The following USP32 variants were observed in gnomAD, a reference collection of about 807,000 sequenced individuals.
USP32 encodes ubiquitin carboxyl-terminal hydrolase 32.
Under a neutral mutation model 204.8 loss-of-function variants are expected in USP32, and 59 were observed. That is an observed-to-expected ratio of 0.29 (90% CI 0.23 to 0.36). USP32 has a LOEUF of 0.36. Ranked by LOEUF, USP32 falls within the 10% of genes least tolerant of loss-of-function variation. The pLI, the probability that USP32 is intolerant of heterozygous loss-of-function variation, is 1.00. For synonymous variants in USP32, 517 were observed against 678.4 expected, an observed-to-expected ratio of 0.76 and a Z score of 3.70; for missense variants, 1,160 against 1,946.4, an observed-to-expected ratio of 0.60 and a Z score of 7.60.
At chr17:60,339,515 G>A (rs576274473) in intron 2 of USP32, among the ~76,000 whole-genome samples, 28 of 150,814 alleles carry the variant, frequency 1.9e-4, no homozygotes, top group African/African-American at 6.4e-4. Context: ...ACTGGGAGGC[G>A]GAGTTTGCAG....
rs1173082393 is a variant in USP32 at position 60,211,281 on chromosome 17, C to A, written c.2318+95G>T. 17 of 1,525,612 alleles carry A rather than the reference C, an allele frequency of 1.1e-5. No individual in the cohort carries two copies. In the Admixed American group the frequency reaches 1.8e-4, roughly 16 times the overall value. 94.5% of individuals were successfully genotyped at this position (1,525,612 alleles called of 1,614,324 possible). On this transcript the variant is annotated intron_variant, in intron 20 of 33. Transcript: ENST00000300896. ...TTAAATAGGGCAAATAAGATAAAAT[C>A]TTTCTCCCACAGGGTGAAAAAAGAG...
upstream of USP32, among the ~76,000 whole-genome samples, chr17:60,392,853 G>C (rs988397674): frequency 2.6e-5 from 4 of 152,102 alleles, no homozygotes; most frequent in African/African-American, 9.7e-5. Flanking sequence ...CATGCCTCTT[G>C]TACACATTCT....
intron 28 of USP32, among the ~76,000 whole-genome samples, chr17:60,192,593 C>A (rs113801615): frequency 6.6e-6 from 1 of 152,114 alleles, no homozygotes; most frequent in Admixed American, 6.5e-5. Context: ...CATCACCACG[C>A]CCCGCTAATT....
chr17:60,209,155 A>G (rs901624599), intron 22 of USP32, among the ~76,000 whole-genome samples: 1 of 152,210 alleles, frequency 6.6e-6, no homozygotes, highest in Non-Finnish European at 1.5e-5. Flanking sequence ...CATAAAGTTT[A>G]CAATATGAAA....
intron 12 of USP32, among the ~76,000 whole-genome samples, chr17:60,231,022 T>C (rs1424348235): frequency 6.6e-6 from 1 of 152,208 alleles, no homozygotes. Context: ...AGAAGATAGA[T>C]TTCTAAATAG....
At chr17:60,410,139 G>A (rs1244258474) in intron 1 of USP32, among the ~76,000 whole-genome samples, 1 of 152,162 alleles carries the variant, frequency 6.6e-6, no homozygotes, top group Non-Finnish European at 1.5e-5. Flanking sequence ...CATCACTATT[G>A]TAAAATCTAA....
chr17:60,328,532 C>CA (rs1173894479), intron 2 of USP32, among the ~76,000 whole-genome samples: 6 of 152,224 alleles, frequency 3.9e-5, no homozygotes, highest in Non-Finnish European at 7.3e-5. Flanking sequence ...CTGCATACCT[C>CA]ATTCTTCCTG....
chr17:60,248,239 T>A (rs1385064041), intron 11 of USP32, among the ~76,000 whole-genome samples: 4 of 152,240 alleles, frequency 2.6e-5, no homozygotes, highest in Non-Finnish European at 2.9e-5. Context: ...GTCAGCTGTT[T>A]ATCACATTGT....
chr17:60,367,004 G>T (rs2089329619), intron 1 of USP32, among the ~76,000 whole-genome samples: 1 of 151,922 alleles, frequency 6.6e-6, no homozygotes, highest in Non-Finnish European at 1.5e-5. Context: ...TGTTTTTATA[G>T]TTTTAGTAGA....
chr17:60,236,684 T>C (rs1216854019), intron 11 of USP32, among the ~76,000 whole-genome samples: 1 of 152,250 alleles, frequency 6.6e-6, no homozygotes, highest in African/African-American at 2.4e-5. Flanking sequence ...CACAATCAGT[T>C]TGAGAACATT....
rs2088900390 is a variant in USP32, at chr17:60,349,655, A to ATATATAT, written c.59-4054_59-4048dup. On this transcript the variant is annotated intron_variant, in intron 1 of 33. Transcript: ENST00000300896. Reference sequence around the variant, plus strand: ...ATATATATATATATTATATATATACATATATATACACATATATATATACAC... The same window carrying ATATATAT: ...ATATATATATATATTATATATATACATATATATTATATATACACATATATATATACAC... Among the ~76,000 whole-genome samples, 3 of 111,374 alleles carry ATATATAT rather than the reference A, an allele frequency of 2.7e-5. No individual in the cohort carries two copies. In the South Asian group the frequency reaches 7.2e-4, roughly 27 times the overall value. The allele number at this position is 111,374 out of a possible 152,430, so 73.1% of individuals were successfully genotyped here.
chr17:60,416,024 G>C (rs1046173646), intron 1 of USP32, among the ~76,000 whole-genome samples: 1 of 152,078 alleles, frequency 6.6e-6, no homozygotes, highest in Non-Finnish European at 1.5e-5. Flanking sequence ...ATTTTTAGTA[G>C]AGACAGGGTT....
At chr17:60,233,127 T>G (rs2085618605) in intron 12 of USP32, among the ~76,000 whole-genome samples, 1 of 152,300 alleles carries the variant, frequency 6.6e-6, no homozygotes, top group Non-Finnish European at 1.5e-5. Context: ...TATTGAAGTT[T>G]CTCATAATAA....
chr17:60,288,113 C>CAAAAA (rs1045323566), intron 5 of USP32, among the ~76,000 whole-genome samples: 1 of 29,458 alleles, frequency 3.4e-5, no homozygotes, highest in Non-Finnish European at 9.6e-5. Flanking sequence ...GACTTCGTCT[C>CAAAAA]AAAAAAAAAA....
chr17:60,265,385 A>C, intron 9 of USP32, 27 bp downstream of exon 9: 1 of 1,505,802 alleles, frequency 6.6e-7, no homozygotes, highest in East Asian at 2.3e-5. Flanking sequence ...TTTTAGAAAA[A>C]GATAAATTAG....
intron 4 of USP32, among the ~76,000 whole-genome samples, chr17:60,289,165 GC>G (rs1228468384): frequency 1.3e-5 from 2 of 152,096 alleles, no homozygotes; most frequent in East Asian, 3.9e-4. Flanking sequence ...CCACCACCAC[GC>G]CCGGCTAATT....
chr17:60,350,767 G>A (rs2088928558), intron 1 of USP32, among the ~76,000 whole-genome samples: 1 of 151,998 alleles, frequency 6.6e-6, no homozygotes, highest in Admixed American at 6.6e-5. Context: ...AAGGACAGAG[G>A]GATAAAAAAC....
At chr17:60,361,892 A>G (rs377538693) in intron 1 of USP32, among the ~76,000 whole-genome samples, 5 of 152,152 alleles carry the variant, frequency 3.3e-5, no homozygotes, top group Non-Finnish European at 7.4e-5. Flanking sequence ...TTTGGCCTCA[A>G]TGCTCAATGT....
intron 9 of USP32, chr17:60,257,869 G>A (rs922182534): frequency 6.6e-6 from 1 of 151,942 alleles, no homozygotes; most frequent in Non-Finnish European, 1.5e-5. Context: ...TTACTCTTTG[G>A]GGAACAGTTT....
Sources: allele counts gnomAD v4.1 joint callset (sites outside exome capture counted in the v4.1 genomes callset), GRCh38; gene constraint gnomAD v4.1.1; transcripts MANE v1.5; gene names NCBI Gene and HGNC (gene_info 2026-07-23, HGNC 2026-07-21).